Variants in KCNH1 observed in about 807,000 individuals in gnomAD.
KCNH1 encodes the protein potassium voltage-gated channel subfamily H member 1.
Under a neutral mutation model 69.2 loss-of-function variants are expected in KCNH1, and 27 were observed. That is an observed-to-expected ratio of 0.39 (90% CI 0.29 to 0.54). KCNH1 has a LOEUF of 0.54. Among genes scored for constraint, KCNH1 ranks in the 20% least tolerant of loss-of-function variants. The probability of loss-of-function intolerance (pLI) is 0.68; values close to 1 mark genes in which losing one functional copy is unlikely to be tolerated. For missense variants in KCNH1, 798 were observed against 1,261.6 expected, an observed-to-expected ratio of 0.63 and a Z score of 5.57; for synonymous variants, 456 against 487.7, an observed-to-expected ratio of 0.93 and a Z score of 0.86.
At chr1:210,852,742 A>G (rs528348774) in intron 7 of KCNH1, among the ~76,000 whole-genome samples, 10 of 152,244 alleles carry the variant, frequency 6.6e-5, no homozygotes, top group Non-Finnish European at 1.2e-4. Context: ...TGTAGGTTAC[A>G]GGTTAAAATC....
intron 6 of KCNH1, among the ~76,000 whole-genome samples, chr1:210,969,149 C>T (rs1291244998): frequency 1.3e-5 from 2 of 151,962 alleles, no homozygotes; most frequent in Non-Finnish European, 2.9e-5. Flanking sequence ...CTTTTCTGTA[C>T]ATTATGAATT....
At chr1:211,123,037 G>A (rs187215059) in intron 1 of KCNH1, among the ~76,000 whole-genome samples, 1 of 152,318 alleles carries the variant, frequency 6.6e-6, no homozygotes, top group African/African-American at 2.4e-5. Flanking sequence ...TCTCAGAACA[G>A]CTTTGTTTAA....
chr1:210,975,838 T>A (rs1688597480), intron 6 of KCNH1, among the ~76,000 whole-genome samples: 1 of 152,188 alleles, frequency 6.6e-6, no homozygotes, highest in Admixed American at 6.5e-5. Flanking sequence ...AGAAAATTTT[T>A]GCAGTCTACT....
At chr1:210,742,881 G>A (rs1355325426) in intron 10 of KCNH1, among the ~76,000 whole-genome samples, 1 of 152,146 alleles carries the variant, frequency 6.6e-6, no homozygotes, top group Non-Finnish European at 1.5e-5. Context: ...ACGTGCATGT[G>A]TGTGTGTTTT....
intron 6 of KCNH1, among the ~76,000 whole-genome samples, chr1:211,007,991 T>C (rs1459249628): frequency 1.3e-5 from 2 of 152,208 alleles, no homozygotes; most frequent in East Asian, 1.9e-4. Context: ...AACAGTATAG[T>C]AGTTCCCTAA....
intron 5 of KCNH1, among the ~76,000 whole-genome samples, chr1:211,064,351 G>A (rs1690489990): frequency 6.6e-6 from 1 of 152,206 alleles, no homozygotes. Context: ...ACGAGGTCAG[G>A]AGATCGAGAC....
intron 5 of KCNH1, among the ~76,000 whole-genome samples, chr1:211,049,249 A>G (rs1313979280): frequency 6.6e-6 from 1 of 152,228 alleles, no homozygotes; most frequent in Non-Finnish European, 1.5e-5. Context: ...AAAGTACTTT[A>G]ACAACAAGGG....
intron 10 of KCNH1, among the ~76,000 whole-genome samples, chr1:210,692,176 AACTGGCATCTTATTC>A (rs1681541737): frequency 6.6e-6 from 1 of 152,166 alleles, no homozygotes; most frequent in South Asian, 2.1e-4. Context: ...TCATCTTATT[AACTGGCATCTTATTC>A]ACTCTTATAA....
chr1:210,976,341 G>A (rs1208397686), intron 6 of KCNH1, among the ~76,000 whole-genome samples: 1 of 146,514 alleles, frequency 6.8e-6, no homozygotes, highest in African/African-American at 2.5e-5. Context: ...CAAAGACTTG[G>A]AACCAACCCA....
At chr1:210,910,190 A>T (rs904523465) in intron 7 of KCNH1, among the ~76,000 whole-genome samples, 2 of 150,142 alleles carry the variant, frequency 1.3e-5, no homozygotes, top group Non-Finnish European at 3.0e-5. Flanking sequence ...CCAAAAAAAA[A>T]AATTTCATCA....
intron 6 of KCNH1, among the ~76,000 whole-genome samples, chr1:210,947,052 T>C (rs2102594616): frequency 6.6e-6 from 1 of 152,302 alleles, no homozygotes; most frequent in African/African-American, 2.4e-5. Flanking sequence ...GCAGGCACCC[T>C]GTTAATTTCA....
intron 6 of KCNH1, among the ~76,000 whole-genome samples, chr1:211,009,934 T>C (rs1384234838): frequency 6.6e-6 from 1 of 152,110 alleles, no homozygotes; most frequent in Non-Finnish European, 1.5e-5. Flanking sequence ...CACTCCTCTT[T>C]TGTCAATGAA....
intron 7 of KCNH1, among the ~76,000 whole-genome samples, chr1:210,846,146 C>T (rs1358151643): frequency 1.3e-5 from 2 of 152,104 alleles, no homozygotes; most frequent in African/African-American, 4.8e-5. Flanking sequence ...TGAAAATGGC[C>T]GTACTTCCCA....
At chr1:210,885,665 A>G (rs749596522) in intron 7 of KCNH1, among the ~76,000 whole-genome samples, 1 of 152,168 alleles carries the variant, frequency 6.6e-6, no homozygotes, top group Non-Finnish European at 1.5e-5. Flanking sequence ...TGCTGCCAGC[A>G]CAGCAGTCTG....
intron 9 of KCNH1, among the ~76,000 whole-genome samples, chr1:210,777,284 G>A (rs1260802295): frequency 1.3e-5 from 2 of 152,198 alleles, no homozygotes; most frequent in Admixed American, 1.3e-4. Flanking sequence ...AGAACCTCCA[G>A]AATGTGAGCT....
intron 3 of KCNH1, among the ~76,000 whole-genome samples, chr1:211,099,869 C>A (rs564579921): frequency 6.6e-6 from 1 of 152,210 alleles, no homozygotes; most frequent in East Asian, 1.9e-4. Flanking sequence ...AAAGGCCCTG[C>A]GCTCCATCTC....
chr1:210,979,472 T>C (rs1439537962), intron 6 of KCNH1, among the ~76,000 whole-genome samples: 2 of 152,222 alleles, frequency 1.3e-5, no homozygotes, highest in Non-Finnish European at 2.9e-5. Context: ...TTGTTTCATT[T>C]AGCATTTTTA....
chr1:210,706,174 T>C (rs1681908719), intron 10 of KCNH1, among the ~76,000 whole-genome samples: 1 of 152,182 alleles, frequency 6.6e-6, no homozygotes. Flanking sequence ...CACAAAGCCT[T>C]CTGTAGTAAA....
At chr1:210,838,678 T>A (rs1195786080) in intron 7 of KCNH1, among the ~76,000 whole-genome samples, 1 of 152,002 alleles carries the variant, frequency 6.6e-6, no homozygotes, top group African/African-American at 2.4e-5. Flanking sequence ...CTGACAAAGG[T>A]CTAATATCCA....
Sources: gnomAD v4.1 joint callset for allele counts (sites outside exome capture counted in the v4.1 genomes callset) on GRCh38, gnomAD v4.1.1 for gene constraint, MANE v1.5 for transcripts, NCBI Gene and HGNC (gene_info 2026-07-23, HGNC 2026-07-21) for gene names.